SMG6: variants seen among roughly 807,000 people sequenced by gnomAD.
SMG6 encodes the protein telomerase-binding protein EST1A.
In SMG6, 66 loss-of-function variants were observed where a neutral mutation model predicts 142.2. The observed-to-expected ratio is 0.46, with a 90% confidence interval of 0.38 to 0.57. The LOEUF (loss-of-function observed/expected upper bound fraction) is 0.57. SMG6 is among the 20% of genes least tolerant of loss of function. SMG6 has a pLI of 0.00. For missense variants in SMG6, 1,793 were observed against 1,832.0 expected (o/e 0.98, Z 0.39); for synonymous variants, 779 against 702.4 (o/e 1.11, Z -1.72).
chr17:2,261,105 GACCATCCTGGCTAACACAGTGAA>G (rs1457057956), intron 8 of SMG6, among the ~76,000 whole-genome samples: 1 of 151,474 alleles, frequency 6.6e-6, no homozygotes, highest in Admixed American at 6.6e-5. Flanking sequence ...AGGAGATCGA[GACCATCCTGGCTAACACAGTGAA>G]ACCCTTTCTC....
intron 13 of SMG6, among the ~76,000 whole-genome samples, chr17:2,121,729 A>G (rs1018364153): frequency 6.6e-6 from 1 of 151,716 alleles, no homozygotes; most frequent in African/African-American, 2.4e-5. Flanking sequence ...TGGGCTACTA[A>G]AGCAGCTCTC....
chr17:2,258,180 T>C (rs2074235456), intron 8 of SMG6, among the ~76,000 whole-genome samples: 1 of 152,008 alleles, frequency 6.6e-6, no homozygotes, highest in Non-Finnish European at 1.5e-5. Context: ...GGATAAGTAC[T>C]ACTATTATTT....
intron 10 of SMG6, chr17:2,200,159 G>A (rs1347062540): frequency 6.6e-6 from 1 of 151,818 alleles, no homozygotes; most frequent in East Asian, 2.0e-4. Context: ...GACCTCAAGT[G>A]ATCCACCCAC....
rs75565879 is a variant in SMG6, at chr17:2,138,383, T to C, written c.3357+34275A>G. On this transcript the variant is annotated intron_variant, in intron 13 of 18. Transcript: ENST00000263073. Reference sequence around the variant, plus strand: ...AGTCATGTTTTAAAATCAACAAGTTTGCTGGTTCTCAGCTGCCACTAACCA... The same window carrying C: ...AGTCATGTTTTAAAATCAACAAGTTCGCTGGTTCTCAGCTGCCACTAACCA... 2.3e-3 allele frequency among the ~76,000 whole-genome samples: 357 copies of C among 152,340 alleles called. 2 individuals are homozygous for C. The highest frequency in any genetic ancestry group is 7.5e-3 in the African/African-American group (310 of 41,586).
At chr17:2,223,527 G>A (rs932738864) in intron 10 of SMG6, among the ~76,000 whole-genome samples, 3 of 152,110 alleles carry the variant, frequency 2.0e-5, no homozygotes, top group Non-Finnish European at 2.9e-5. Context: ...CAAAAGCACA[G>A]AGAACCCTGA....
intron 1 of SMG6, chr17:2,303,161 G>T (rs963041609): frequency 1.2e-5 from 12 of 985,320 alleles, no homozygotes; most frequent in African/African-American, 1.0e-4. Context: ...GCCTGTCTTG[G>T]GGGGGAAAAG....
chr17:2,232,113 G>A (rs2073513735), intron 10 of SMG6, among the ~76,000 whole-genome samples: 1 of 151,996 alleles, frequency 6.6e-6, no homozygotes, highest in African/African-American at 2.4e-5. Context: ...AAAAAAAAAG[G>A]GCCAGATTGG....
Position 2,075,212 on chromosome 17 carries a change from G to GC in SMG6, c.3682-6282dup, listed in dbSNP as rs1489558458. Among the ~76,000 whole-genome samples, 10 of 144,890 alleles carry GC rather than the reference G, an allele frequency of 6.9e-5. No individual in the cohort carries two copies. The South Asian group carries it at 1.3e-3, about 18-fold the overall frequency. On this transcript the variant is annotated intron_variant, in intron 15 of 18. Coordinates refer to ENST00000263073, the MANE Select transcript of SMG6 (RefSeq NM_017575.5). ...GTGTATACCCCATTGTTCCACAACA[G>GC]CCCCCCCTAGCTGGGTGGCAGTATG... is the stretch of plus-strand genomic sequence containing the variant.
At position 2,282,801 on chromosome 17, in the gene SMG6, C is replaced by A; in HGVS notation, c.2507G>T (p.Arg836Leu). ...CCGGAAAGTAGACTTCTTTCCTTTC[C>A]GCCACTGGTCAGGGCTCAGGTCAAA... ...EEFDLSPDQW[R>L]KGKKSTFRHV... is the part of the protein sequence containing the mutation. The change falls in exon 8 of 19, where the codon CGG becomes CTG. Residue 836 changes from arginine to leucine, a missense_variant. By Grantham distance (102) the Arg-to-Leu change is moderately radical. Coordinates refer to ENST00000263073, the MANE Select transcript of SMG6 (RefSeq NM_017575.5). The A allele has an allele frequency of 6.2e-7, 1 of 1,614,182 alleles. No individual in the cohort carries two copies. Among genetic ancestry groups the A allele is most frequent in the Non-Finnish European group, 8.5e-7 (1 of 1,180,038 alleles).
rs1040067618 is a variant in SMG6 at position 2,188,577 on chromosome 17, C to T, written c.2870-62G>A. Reference sequence around the variant, plus strand: ...CGGACAAGATGCACATCACTGGCCACGTTACCGAGCTTCCTTTTCCTCACT... The same window carrying T: ...CGGACAAGATGCACATCACTGGCCATGTTACCGAGCTTCCTTTTCCTCACT... On this transcript the variant is annotated intron_variant, in intron 10 of 18. Coordinates refer to ENST00000263073, the MANE Select transcript of SMG6 (RefSeq NM_017575.5). 100 of 1,413,442 alleles carry T rather than the reference C, an allele frequency of 7.1e-5. No homozygotes were observed. The South Asian group carries it at 9.4e-4, about 13-fold the overall frequency. The allele number at this position is 1,413,442 out of a possible 1,614,324, so 87.6% of individuals were successfully genotyped here.
intron 13 of SMG6, among the ~76,000 whole-genome samples, chr17:2,162,573 C>T (rs1433844338): frequency 6.8e-6 from 1 of 147,010 alleles, no homozygotes; most frequent in Non-Finnish European, 1.5e-5. Context: ...TTTGTACCTG[C>T]AATCCCAGCT....
intron 10 of SMG6, among the ~76,000 whole-genome samples, chr17:2,227,974 G>T (rs1174713266): frequency 2.0e-5 from 3 of 152,108 alleles, no homozygotes; most frequent in Admixed American, 6.5e-5. Context: ...CAAACATATG[G>T]AATAAAATAA....
chr17:2,061,423 G>A lies in SMG6; in HGVS notation c.*69C>T, dbSNP rs910776833. 4.2e-5 allele frequency: 63 copies of A among 1,482,898 alleles called. No homozygotes were observed. The highest frequency in any genetic ancestry group is 2.7e-4 in the East Asian group (11 of 40,342). 91.9% of individuals were successfully genotyped at this position (1,482,898 alleles called of 1,614,324 possible). On this transcript the variant is annotated 3_prime_UTR_variant, in exon 19 of 19. Coordinates refer to ENST00000263073, the MANE Select transcript of SMG6 (RefSeq NM_017575.5). ...TGGCTCAGGCACGTGGGCATCTTCCGTGCTACACTGGGCGCCTGGTGGCCT... is the reference window on the plus strand; with the variant it reads ...TGGCTCAGGCACGTGGGCATCTTCCATGCTACACTGGGCGCCTGGTGGCCT...
At chr17:2,276,285 A>T (rs896862365) in intron 8 of SMG6, among the ~76,000 whole-genome samples, 1 of 152,176 alleles carries the variant, frequency 6.6e-6, no homozygotes, top group Non-Finnish European at 1.5e-5. Context: ...GAATACACAA[A>T]GCATACACAC....
At position 2,133,110 on chromosome 17, in the gene SMG6, T is replaced by C. The variant is rs148022511; in HGVS notation, c.3357+39548A>G. On this transcript the variant is annotated intron_variant, in intron 13 of 18. Coordinates refer to ENST00000263073, the MANE Select transcript of SMG6 (RefSeq NM_017575.5). ...AAATACAAAAATTAGCTGGACGTGG[T>C]GGCGCATGCCTGTAGTCCCAGATAC... 9.9e-3 allele frequency among the ~76,000 whole-genome samples: 1,500 copies of C among 152,106 alleles called. 30 individuals carry two copies. The highest frequency in any genetic ancestry group is 0.033 in the African/African-American group (1,379 of 41,490).
chr17:2,128,698 C>A (rs1475001757), intron 13 of SMG6, among the ~76,000 whole-genome samples: 1 of 151,818 alleles, frequency 6.6e-6, no homozygotes, highest in African/African-American at 2.4e-5. Flanking sequence ...GTGGCGTGCA[C>A]CTGTAGGCCC....
rs1364446531 is a variant in SMG6 at position 2,298,002 on chromosome 17, G to A, written c.1901C>T (p.Ser634Phe). ...GATCTGATCCACATTCTGATTATCA[G>A]AGAACTCAATATCTAATAGAATACA... ...ERCILLDIEF[S>F]DNQNVDQILW... Residue 634 changes from serine (S) to phenylalanine (F), a missense_variant, in exon 3 of 19, where the codon TCT becomes TTT. Physicochemically the swap from Ser to Phe is radical, Grantham distance 155. This residue lies in a region of SMG6 where 1,597 missense variants were observed against 1,584.6 expected (regional missense o/e 1.01). Coordinates refer to ENST00000263073, the MANE Select transcript of SMG6 (RefSeq NM_017575.5). 6.2e-7 allele frequency: 1 copy of A among 1,613,148 alleles called. No individual in the cohort carries two copies. The highest frequency in any genetic ancestry group is 1.1e-5 in the South Asian group (1 of 91,062).
intron 10 of SMG6, among the ~76,000 whole-genome samples, chr17:2,222,191 G>A (rs1041368251): frequency 6.6e-6 from 1 of 151,934 alleles, no homozygotes; most frequent in African/African-American, 2.4e-5. Flanking sequence ...AATAGTAGAG[G>A]AAAATAAATA....
At chr17:2,280,202 A>C (rs766673694) in intron 8 of SMG6, among the ~76,000 whole-genome samples, 1 of 152,220 alleles carries the variant, frequency 6.6e-6, no homozygotes, top group Non-Finnish European at 1.5e-5. Flanking sequence ...CTAAGAAAGC[A>C]GGTAAAAATG....
Sources: gnomAD v4.1 joint callset for allele counts (sites outside exome capture counted in the v4.1 genomes callset) on GRCh38, gnomAD v4.1.1 for gene constraint, gnomAD v4.1.1 regional missense constraint, MANE v1.5 for transcripts, NCBI Gene and HGNC (gene_info 2026-07-23, HGNC 2026-07-21) for gene names.